HDAC4: variants seen among roughly 807,000 people sequenced by gnomAD.
The protein encoded by HDAC4 is histone deacetylase 4, also known as histone deacetylase A.
Under a neutral mutation model 135.1 loss-of-function variants are expected in HDAC4, and 16 were observed. The observed-to-expected ratio is 0.12, with a 90% CI of 0.08 to 0.18. The LOEUF (loss-of-function observed/expected upper bound fraction) is 0.18, where lower values mean the gene tolerates loss of function less well. Among genes scored for constraint, HDAC4 ranks in the 10% least tolerant of loss-of-function variants. The probability of loss-of-function intolerance (pLI) is 1.00; values close to 1 mark genes in which losing one functional copy is unlikely to be tolerated. For synonymous variants in HDAC4, 685 were observed against 653.4 expected (o/e 1.05, Z -0.74); for missense variants, 1,143 against 1,511.8 (o/e 0.76, Z 4.05).
At chr2:239,323,872 T>TA (rs1284914991) in intron 2 of HDAC4, among the ~76,000 whole-genome samples, 2 of 152,110 alleles carry the variant, frequency 1.3e-5, no homozygotes, top group Non-Finnish European at 2.9e-5. Flanking sequence ...TTATTTTTTC[T>TA]AAAAAAAGAC....
intron 7 of HDAC4, among the ~76,000 whole-genome samples, chr2:239,147,790 T>C (rs2041861101): frequency 6.6e-6 from 1 of 152,236 alleles, no homozygotes; most frequent in Non-Finnish European, 1.5e-5. Context: ...GCCAATCAAG[T>C]AAATGACTAA....
At chr2:239,368,716 T>C (rs765669147) in intron 1 of HDAC4, among the ~76,000 whole-genome samples, 3 of 152,082 alleles carry the variant, frequency 2.0e-5, no homozygotes, top group African/African-American at 2.4e-5. Flanking sequence ...GTGGGAGACC[T>C]GGGCAGGCAG....
intron 3 of HDAC4, among the ~76,000 whole-genome samples, chr2:239,197,564 G>C (rs1188533282): frequency 6.6e-6 from 1 of 152,112 alleles, no homozygotes; most frequent in East Asian, 1.9e-4. Context: ...CCCTTGAGTA[G>C]GAGATCTCCC....
At chr2:239,133,657 G>A (rs1172647201) in intron 11 of HDAC4, among the ~76,000 whole-genome samples, 3 of 152,094 alleles carry the variant, frequency 2.0e-5, no homozygotes, top group Non-Finnish European at 4.4e-5. Flanking sequence ...AGTAGAGACG[G>A]GGTTTCACCA....
chr2:239,175,631 G>A (rs570574099), intron 5 of HDAC4, among the ~76,000 whole-genome samples: 5 of 152,320 alleles, frequency 3.3e-5, no homozygotes. Flanking sequence ...GATAGCAAGA[G>A]CACGCTGCTG....
At chr2:239,371,443 T>C (rs1181227861) in intron 1 of HDAC4, among the ~76,000 whole-genome samples, 1 of 151,844 alleles carries the variant, frequency 6.6e-6, no homozygotes, top group African/African-American at 2.4e-5. Flanking sequence ...ACACATTCAA[T>C]CACACTTGCA....
intron 24 of HDAC4, among the ~76,000 whole-genome samples, chr2:239,064,972 C>T (rs749078801): frequency 2.4e-4 from 37 of 152,236 alleles, no homozygotes; most frequent in Non-Finnish European, 5.9e-5. Context: ...CACCAGACCC[C>T]GCGAGCGCCG....
chr2:239,136,151 G>A (rs1202050139), intron 9 of HDAC4, among the ~76,000 whole-genome samples: 1 of 152,208 alleles, frequency 6.6e-6, no homozygotes, highest in Non-Finnish European at 1.5e-5. Flanking sequence ...TTGTAATCAT[G>A]CTAGTTAGTG....
intron 2 of HDAC4, among the ~76,000 whole-genome samples, chr2:239,301,634 C>T (rs1440071266): frequency 6.6e-6 from 1 of 152,062 alleles, no homozygotes; most frequent in Non-Finnish European, 1.5e-5. Context: ...ACGCATACCA[C>T]CATGCCCAGC....
intron 1 of HDAC4, among the ~76,000 whole-genome samples, chr2:239,376,973 G>A (rs780742471): frequency 2.0e-5 from 3 of 152,010 alleles, no homozygotes; most frequent in Non-Finnish European, 4.4e-5. Context: ...TTCCACGCCC[G>A]TCCCTCCTGG....
chr2:239,308,734 C>T lies in HDAC4; in HGVS notation c.22+43944G>A, dbSNP rs369847921. 4.1e-4 allele frequency among the ~76,000 whole-genome samples: 62 copies of T among 152,262 alleles called. 1 individual carries two copies. Among genetic ancestry groups the T allele is most frequent in the African/African-American group, 1.2e-3 (51 of 41,544 alleles). Reference sequence around the variant, plus strand: ...GCTGCAGAAACTCCGAATCTGCTAACGTGAAGTGCCAAGACTGCTGTCCGC... The same window carrying T: ...GCTGCAGAAACTCCGAATCTGCTAATGTGAAGTGCCAAGACTGCTGTCCGC... On this transcript the variant is annotated intron_variant, in intron 2 of 26. Transcript: ENST00000543185. The surrounding 1 kb of genome is among the most constrained non-coding windows in gnomAD (Gnocchi z 4.2).
rs1274666733 is a variant in HDAC4, at chr2:239,281,456, C to CTACACACCACTCTACAATG, written c.23-44811_23-44793dup. Among the ~76,000 whole-genome samples, 6 of 147,366 alleles carry CTACACACCACTCTACAATG rather than the reference C, an allele frequency of 4.1e-5. No individual in the cohort carries two copies. The East Asian group carries it at 1.2e-3, about 30-fold the overall frequency. ...ACCACTCTACAATGAACACACCACT[C>CTACACACCACTCTACAATG]TACACACCACTCTACAATGTACACA... On this transcript the variant is annotated intron_variant, in intron 2 of 26. Coordinates refer to ENST00000543185, the MANE Select transcript of HDAC4 (RefSeq NM_001378414.1).
In HDAC4 at chr2:239,262,560, G is replaced by C. The variant is rs535593958; in HGVS notation, c.23-25896C>G. Among the ~76,000 whole-genome samples, 2 of 152,334 alleles carry C rather than the reference G, an allele frequency of 1.3e-5. No homozygotes were observed. Among genetic ancestry groups the C allele is most frequent in the South Asian group, 2.1e-4 (1 of 4,828 alleles). On this transcript the variant is annotated intron_variant, in intron 2 of 26. Transcript: ENST00000543185. The surrounding 1 kb of genome is among the most constrained non-coding windows in gnomAD (Gnocchi z 4.1). Reference sequence around the variant, plus strand: ...AGGCAAGACTGATCTCTACTCTGAGGGGGCCAGAGCCTGGCTCTGACACTC... The same window carrying C: ...AGGCAAGACTGATCTCTACTCTGAGCGGGCCAGAGCCTGGCTCTGACACTC...
In HDAC4 at chr2:239,189,841, G is replaced by A. The variant is rs1474962387; in HGVS notation, c.331C>T (p.His111Tyr). Residue 111 changes from histidine to tyrosine, a missense_variant, in exon 4 of 27, where the codon CAC becomes TAC. By Grantham distance (83) the His-to-Tyr change is moderately conservative. This residue lies in a region of HDAC4 where 247 missense variants were observed against 310.0 expected (regional missense o/e 0.80). Coordinates refer to ENST00000543185, the MANE Select transcript of HDAC4 (RefSeq NM_001378414.1). ...SRQHEAQLHEHIKQQQEMLAM... is the reference protein window; with the variant it reads ...SRQHEAQLHEYIKQQQEMLAM... ...CCCGCACCGCGCCTCACCTTGATGT[G>A]CTCGTGGAGCTGCGCCTCGTGCTGC... 1 of 1,606,646 alleles carries A rather than the reference G, an allele frequency of 6.2e-7. No homozygotes were observed.
intron 17 of HDAC4, among the ~76,000 whole-genome samples, chr2:239,092,498 G>T (rs1329817478): frequency 1.3e-5 from 2 of 152,194 alleles, no homozygotes; most frequent in Non-Finnish European, 2.9e-5. Flanking sequence ...GTCTTCTGGG[G>T]ATTCTGCACA....
intron 9 of HDAC4, among the ~76,000 whole-genome samples, chr2:239,135,480 A>G (rs2040887848): frequency 6.6e-6 from 1 of 152,238 alleles, no homozygotes; most frequent in South Asian, 2.1e-4. Flanking sequence ...CTGAAACCCA[A>G]CAAATTGGCA....
chr2:239,122,915 C>G (rs550684660), intron 12 of HDAC4, among the ~76,000 whole-genome samples: 1 of 152,214 alleles, frequency 6.6e-6, no homozygotes, highest in Admixed American at 6.5e-5. Context: ...TGGGCAGATG[C>G]CCTCAGGGAA....
intron 9 of HDAC4, among the ~76,000 whole-genome samples, chr2:239,138,373 C>T (rs535024289): frequency 6.6e-6 from 1 of 152,342 alleles, no homozygotes; most frequent in South Asian, 2.1e-4. Context: ...AATGAAAATG[C>T]TAAACACTCA....
chr2:239,181,176 C>A (rs2044126984), intron 4 of HDAC4, among the ~76,000 whole-genome samples: 1 of 152,250 alleles, frequency 6.6e-6, no homozygotes, highest in Non-Finnish European at 1.5e-5. Flanking sequence ...ACACGCCCAC[C>A]CACCTACAGC....
Sources: allele counts gnomAD v4.1 joint callset (sites outside exome capture counted in the v4.1 genomes callset), GRCh38; gene constraint gnomAD v4.1.1; regional missense constraint gnomAD v4.1.1; non-coding constraint Gnocchi (gnomAD v3.1); transcripts MANE v1.5; gene names NCBI Gene and HGNC (gene_info 2026-07-23, HGNC 2026-07-21).